Variants in PTGS2 observed in about 807,000 individuals in gnomAD.
PTGS2 encodes the protein prostaglandin G/H synthase 2.
In PTGS2, 14 loss-of-function variants were observed where a neutral mutation model predicts 63.8. The ratio of observed to expected loss-of-function variants is 0.22; its 90% CI spans 0.14 to 0.34. The LOEUF is 0.34. Ranked by LOEUF, PTGS2 falls within the 10% of genes least tolerant of loss-of-function variation. The pLI is 1.00. For synonymous variants in PTGS2, 271 were observed against 259.5 expected, an observed-to-expected ratio of 1.04 and a Z score of -0.43; for missense variants, 533 against 738.5, an observed-to-expected ratio of 0.72 and a Z score of 3.23.
Position 186,672,092 on chromosome 1 carries a change from A to G in PTGS2, c.*2261T>C, listed in dbSNP as rs1665698878. On this transcript the variant is annotated 3_prime_UTR_variant, in exon 10 of 10. Transcript: ENST00000367468. ...TAAAATTGTAAAGAAGATTCTCCTGAGTTATCTTTAATGATATTTATTTCA... is the reference window on the plus strand; with the variant it reads ...TAAAATTGTAAAGAAGATTCTCCTGGGTTATCTTTAATGATATTTATTTCA... 1 of 152,056 alleles carries G rather than the reference A, an allele frequency of 6.6e-6. No individual in the cohort carries two copies. 9.4% of individuals were successfully genotyped at this position (152,056 alleles called of 1,614,324 possible).
chr1:186,678,823 A>T (rs1190802195), intron 3 of PTGS2, among the ~76,000 whole-genome samples: 3 of 152,178 alleles, frequency 2.0e-5, no homozygotes, highest in Non-Finnish European at 4.4e-5. Flanking sequence ...CTACCTCCAC[A>T]AACTGACCAA....
intron 5 of PTGS2, 86 bp from the exon 6 acceptor site, chr1:186,677,002 A>T: frequency 1.0e-6 from 1 of 963,734 alleles, no homozygotes; most frequent in Non-Finnish European, 1.6e-6. Context: ...TCATTAAATA[A>T]TTTGATCATT....
At position 186,677,750 on chromosome 1, in the gene PTGS2, A is replaced by T; in HGVS notation, c.538T>A (p.Ser180Thr). The change falls in exon 5 of 10, where the codon TCA becomes ACA. Residue 180 changes from serine (S) to threonine (T), a missense_variant. Ser to Thr is a moderately conservative substitution (Grantham distance 58, BLOSUM62 1). This residue lies in a region of PTGS2 where 118 missense variants were observed against 138.7 expected (regional missense o/e 0.85). Coordinates refer to ENST00000367468, the MANE Select transcript of PTGS2 (RefSeq NM_000963.4). Reference protein sequence around the residue: ...RRKFIPDPQGSNMMFAFFAQH... With the variant: ...RRKFIPDPQGTNMMFAFFAQH... ...GCAAAGAATGCAAACATCATGTTTG[A>T]GCCCTGGGGATCAGGGATGAACTTT... 6.2e-7 allele frequency: 1 copy of T among 1,613,990 alleles called. No individual in the cohort carries two copies. The highest frequency in any genetic ancestry group is 1.3e-5 in the African/African-American group (1 of 75,056).
intron 3 of PTGS2, 49 bp from the exon 4 acceptor site, chr1:186,678,453 T>G (rs201084591): frequency 3.3e-5 from 49 of 1,481,468 alleles, no homozygotes; most frequent in Non-Finnish European, 4.5e-5. Context: ...ATTTGTTAAG[T>G]AAATCAACCA....
At position 186,673,706 on chromosome 1, in the gene PTGS2, T is replaced by G. The variant is rs538701450; in HGVS notation, c.*647A>C. 97 of 152,328 alleles carry G rather than the reference T, an allele frequency of 6.4e-4. No homozygotes were observed. Among genetic ancestry groups the G allele is most frequent in the African/African-American group, 2.2e-3 (90 of 41,586 alleles). 9.4% of individuals were successfully genotyped at this position (152,328 alleles called of 1,614,324 possible). On this transcript the variant is annotated 3_prime_UTR_variant, in exon 10 of 10. Transcript: ENST00000367468. ...TAAAATTTCTACTGATTTTACAGAT[T>G]TAAATCCAAGACAGCTTCTTTTTGG...
intron 3 of PTGS2, 87 bp downstream of exon 3, chr1:186,678,971 A>AATATGTTTT (rs1665827993): frequency 2.1e-6 from 3 of 1,445,588 alleles, no homozygotes; most frequent in Non-Finnish European, 2.8e-6. Context: ...TAAGCTTGGA[A>AATATGTTTT]ATATGTTTTT....
intron 8 of PTGS2, 139 bp downstream of exon 8, chr1:186,675,759 C>T (rs961251020): frequency 5.2e-6 from 5 of 960,756 alleles, no homozygotes; most frequent in Admixed American, 3.2e-5. Flanking sequence ...CAAAGTTAGG[C>T]TTCTTATATC....
In PTGS2 at chr1:186,674,098, A is replaced by G. The variant is rs1665736603; in HGVS notation, c.*255T>C. 3 of 195,918 alleles carry G rather than the reference A, an allele frequency of 1.5e-5. No homozygotes were observed. The highest frequency in any genetic ancestry group is 3.1e-5 in the Non-Finnish European group (3 of 98,244). 12.1% of individuals were successfully genotyped at this position (195,918 alleles called of 1,614,324 possible). On this transcript the variant is annotated 3_prime_UTR_variant, in exon 10 of 10. Coordinates refer to ENST00000367468, the MANE Select transcript of PTGS2 (RefSeq NM_000963.4). ...ATAATATAAGTTGAAATTCAAGTAAAAAGACGTCAAAACTCATTTCTCTCT... is the reference window on the plus strand; with the variant it reads ...ATAATATAAGTTGAAATTCAAGTAAGAAGACGTCAAAACTCATTTCTCTCT...
chr1:186,676,567 G>C lies in PTGS2; in HGVS notation c.870C>G (p.Ile290Met), dbSNP rs775124209. The C allele has an allele frequency of 6.2e-6, 10 of 1,614,040 alleles. No homozygotes were observed. The South Asian group carries it at 1.1e-4, about 18-fold the overall frequency. The change falls in exon 7 of 10, where the codon ATC becomes ATG. Residue 290 changes from isoleucine (I) to methionine (M), a missense_variant. Coordinates refer to ENST00000367468, the MANE Select transcript of PTGS2 (RefSeq NM_000963.4). ...ATACTCTGTTGTGTTCCCGCAGCCA[G>C]ATTGTGGCATACATCATCAGACCAG... ...LVPGLMMYAT[I>M]WLREHNRVCD...
Position 186,674,403 on chromosome 1 carries a change from C to T in PTGS2, c.1765G>A (p.Asp589Asn), listed in dbSNP as rs1665743081. The T allele has an allele frequency of 6.2e-7, 1 of 1,613,842 alleles. No homozygotes were observed. Among genetic ancestry groups the T allele is most frequent in the African/African-American group, 1.3e-5 (1 of 74,890 alleles). The change falls in exon 10 of 10, where the codon GAT (aspartate) becomes AAT (asparagine). Residue 589 changes from aspartate to asparagine, a missense_variant. This residue lies in a region of PTGS2 where 219 missense variants were observed against 267.4 expected (regional missense o/e 0.82). Transcript: ENST00000367468. Reference protein sequence around the residue: ...INASSSRSGLDDINPTVLLKE... With the variant: ...INASSSRSGLNDINPTVLLKE... ...AGTAGTACTGTGGGATTGATATCAT[C>T]TAGTCCGGAGCGGGAAGAACTTGCA... is the stretch of plus-strand genomic sequence containing the variant.
chr1:186,680,345 T>C lies in PTGS2; in HGVS notation c.-55A>G. 1 of 1,399,468 alleles carries C rather than the reference T, an allele frequency of 7.1e-7. No homozygotes were observed. Among genetic ancestry groups the C allele is most frequent in the Non-Finnish European group, 9.6e-7 (1 of 1,036,932 alleles). 86.7% of individuals were successfully genotyped at this position (1,399,468 alleles called of 1,614,324 possible). A position where few individuals can be genotyped will look rare whatever the true frequency, so the allele number is the denominator to read the frequency against. ...GTAGGCTTTGCTGTCTGAGGGCGTC[T>C]GGCTGTGGAGCTGAAGGAGGCGCTG... On this transcript the variant is annotated 5_prime_UTR_variant, in exon 1 of 10. Transcript: ENST00000367468.
chr1:186,676,987 A>C, intron 5 of PTGS2, 71 bp from the exon 6 acceptor site: 1 of 1,054,588 alleles, frequency 9.5e-7, no homozygotes, highest in Non-Finnish European at 1.4e-6. Flanking sequence ...CTATCATATA[A>C]TTCATCATTA....
At chr1:186,679,851 C>G (rs144425750) in intron 1 of PTGS2, among the ~76,000 whole-genome samples, 1 of 152,256 alleles carries the variant, frequency 6.6e-6, no homozygotes, top group East Asian at 1.9e-4. Flanking sequence ...CCGGGCTTTC[C>G]TGGGAGCAGG....
chr1:186,675,125 C>T, intron 9 of PTGS2, 124 bp downstream of exon 9: 2 of 1,271,070 alleles, frequency 1.6e-6, no homozygotes, highest in Non-Finnish European at 2.2e-6. Flanking sequence ...TGCAGTGAGC[C>T]GAGATGGCGC....
At chr1:186,677,174 A>G (rs974243224) in intron 5 of PTGS2, among the ~76,000 whole-genome samples, 2 of 152,092 alleles carry the variant, frequency 1.3e-5, no homozygotes. Context: ...ATACTTCACT[A>G]TGATGATATG....
rs1306748073 is a variant in PTGS2 at position 186,680,403 on chromosome 1, A to G, written c.-113T>C. ...GTTCCTGGACGTGCTCCTGACGCTCACTGCAAGTCGTATGACAATTGGTCG... is the reference window on the plus strand; with the variant it reads ...GTTCCTGGACGTGCTCCTGACGCTCGCTGCAAGTCGTATGACAATTGGTCG... On this transcript the variant is annotated 5_prime_UTR_variant, in exon 1 of 10. Coordinates refer to ENST00000367468, the MANE Select transcript of PTGS2 (RefSeq NM_000963.4). 2 of 707,432 alleles carry G rather than the reference A, an allele frequency of 2.8e-6. No individual in the cohort carries two copies. Among genetic ancestry groups the G allele is most frequent in the African/African-American group, 3.7e-5 (2 of 54,074 alleles). The allele number at this position is 707,432 out of a possible 1,614,324, so 43.8% of individuals were successfully genotyped here. A position where few individuals can be genotyped will look rare whatever the true frequency, so the allele number is the denominator to read the frequency against.
rs759959687 is a variant in PTGS2 at position 186,677,618 on chromosome 1, T to C, written c.639+31A>G. On this transcript the variant is annotated intron_variant, in intron 5 of 9. Transcript: ENST00000367468. Reference sequence around the variant, plus strand: ...CCTTGACTATGATTTGGTATAATTTTACTAACTCTAAGATATTAACTCTAT... The same window carrying C: ...CCTTGACTATGATTTGGTATAATTTCACTAACTCTAAGATATTAACTCTAT... The C allele has an allele frequency of 3.3e-6, 5 of 1,533,318 alleles. No homozygotes were observed. The East Asian group carries it at 1.2e-4, about 36-fold the overall frequency. 95.0% of individuals were successfully genotyped at this position (1,533,318 alleles called of 1,614,324 possible). A position where few individuals can be genotyped will look rare whatever the true frequency, so the allele number is the denominator to read the frequency against.
chr1:186,677,045 C>T (rs1665794306), intron 5 of PTGS2, 129 bp from the exon 6 acceptor site: 6 of 679,836 alleles, frequency 8.8e-6, no homozygotes, highest in Admixed American at 3.1e-5. Context: ...ATAAAATATA[C>T]ATTTTTCATA....
intron 9 of PTGS2, 136 bp from the exon 10 acceptor site, chr1:186,674,898 G>T (rs1214706359): frequency 8.2e-6 from 9 of 1,093,532 alleles, no homozygotes; most frequent in Admixed American, 5.7e-5. Flanking sequence ...AAGTTTAGGG[G>T]CCAGGCGCGG....
Sources: gnomAD v4.1 joint callset for allele counts (sites outside exome capture counted in the v4.1 genomes callset) on GRCh38, gnomAD v4.1.1 for gene constraint, gnomAD v4.1.1 regional missense constraint, MANE v1.5 for transcripts, NCBI Gene and HGNC (gene_info 2026-07-23, HGNC 2026-07-21) for gene names.